TWF1: variants seen among roughly 807,000 people sequenced by gnomAD.
TWF1 encodes the protein twinfilin-1.
A neutral mutation model predicts 47.9 loss-of-function variants in TWF1; 14 were observed. The observed-to-expected ratio is 0.29, with a 90% confidence interval of 0.19 to 0.46. The LOEUF (loss-of-function observed/expected upper bound fraction) is 0.46, where lower values mean the gene tolerates loss of function less well. Among genes scored for constraint, TWF1 ranks in the 20% least tolerant of loss-of-function variants. TWF1 has a pLI of 1.00. For missense variants in TWF1, 281 were observed against 409.3 expected (o/e 0.69, Z 2.70); for synonymous variants, 96 against 139.2 (o/e 0.69, Z 2.18).
At chr12:43,805,809 G>A (rs1592283364) in intron 1 of TWF1, 2 of 1,367,368 alleles carry the variant, frequency 1.5e-6, no homozygotes, top group South Asian at 2.3e-5. Context: ...TTCTCCTTTG[G>A]ACCATGAAAA....
At chr12:43,800,282 C>T (rs1440970695) in intron 4 of TWF1, among the ~76,000 whole-genome samples, 153 bp downstream of exon 4, 1 of 152,100 alleles carries the variant, frequency 6.6e-6, no homozygotes, top group Non-Finnish European at 1.5e-5. Context: ...ATATTCATTA[C>T]AGCTAACTTT....
chr12:43,798,447 C>T (rs997519409), intron 5 of TWF1: 62 of 925,886 alleles, frequency 6.7e-5, no homozygotes, highest in Non-Finnish European at 8.7e-5. Context: ...GAGTCTCATT[C>T]GCAGTGTTGC....
chr12:43,805,534 C>A (rs905114138), intron 1 of TWF1: 2 of 457,266 alleles, frequency 4.4e-6, no homozygotes, highest in Non-Finnish European at 8.8e-6. Flanking sequence ...CTGCAGGCTG[C>A]CCAATTTCAA....
At position 43,795,310 on chromosome 12, in the gene TWF1, A is replaced by G; in HGVS notation, c.*275T>C. On this transcript the variant is annotated 3_prime_UTR_variant, in exon 9 of 9. Transcript: ENST00000395510. ...TCTAGAACTGGCCCAACTGTATAAA[A>G]TTTTAAGAAGTATTTGAAGTGTGGA... is the stretch of plus-strand genomic sequence containing the variant. The G allele has an allele frequency of 6.5e-6, 2 of 307,340 alleles. No individual in the cohort carries two copies. The highest frequency in any genetic ancestry group is 1.2e-5 in the Non-Finnish European group (2 of 164,590). The allele number at this position is 307,340 out of a possible 1,614,324, so 19.0% of individuals were successfully genotyped here.
rs759955610 is a variant in TWF1 at position 43,796,959 on chromosome 12, T to A, written c.882+17A>T. On this transcript the variant is annotated intron_variant, in intron 8 of 8. Coordinates refer to ENST00000395510, the MANE Select transcript of TWF1 (RefSeq NM_002822.5). The stretch of plus-strand genomic sequence containing the variant: ...AAAATTTAGCAAAAACTGAAGATTT[T>A]AAAATAGGTGGGCTACCTTTCTAAT... 6.2e-7 allele frequency: 1 copy of A among 1,605,562 alleles called. No homozygotes were observed. The highest frequency in any genetic ancestry group is 1.1e-5 in the South Asian group (1 of 89,454).
At chr12:43,797,123 T>C (rs1348060695) in intron 7 of TWF1, 26 bp from the exon 8 acceptor site, 3 of 1,560,524 alleles carry the variant, frequency 1.9e-6, no homozygotes, top group South Asian at 2.4e-5. Flanking sequence ...ATAACAAATA[T>C]AATTAGCATA....
At position 43,797,407 on chromosome 12, in the gene TWF1, T is replaced by C. The variant is rs147325501; in HGVS notation, c.655A>G (p.Asn219Asp). The change falls in exon 7 of 9, where the codon AAT (asparagine) becomes GAT (aspartate). Residue 219 changes from asparagine to aspartate, a missense_variant. By Grantham distance (23) the Asn-to-Asp change is conservative. Coordinates refer to ENST00000395510, the MANE Select transcript of TWF1 (RefSeq NM_002822.5). Reference protein sequence around the residue: ...NEIIILANTTNTELKDLPKRI... With the variant: ...NEIIILANTTDTELKDLPKRI... ...TTTGGCAAATCTTTCAGTTCTGTAT[T>C]TGTTGTGTTGGCCAAAATTATAATT... 84 of 1,600,936 alleles carry C rather than the reference T, an allele frequency of 5.2e-5. 1 individual carries two copies. The African/African-American group carries it at 1.1e-3, about 20-fold the overall frequency.
chr12:43,793,801 T>C lies in TWF1; in HGVS notation c.*1784A>G, dbSNP rs911837637. The C allele has an allele frequency of 3.9e-5, 6 of 152,660 alleles. No individual in the cohort carries two copies. Among genetic ancestry groups the C allele is most frequent in the African/African-American group, 1.4e-4 (6 of 41,458 alleles). 9.5% of individuals were successfully genotyped at this position (152,660 alleles called of 1,614,324 possible). ...CAGAAGGCATGTAATTCTTCACTGC[T>C]ATATAAATTTACTGGGAATATGTTA... On this transcript the variant is annotated 3_prime_UTR_variant, in exon 9 of 9. Coordinates refer to ENST00000395510, the MANE Select transcript of TWF1 (RefSeq NM_002822.5).
intron 4 of TWF1, 152 bp from the exon 5 acceptor site, chr12:43,799,654 C>A (rs1009943403): frequency 1.9e-6 from 1 of 513,652 alleles, no homozygotes; most frequent in Non-Finnish European, 3.3e-6. Flanking sequence ...TTTCTTTAAT[C>A]CTCAATTTTA....
chr12:43,802,986 C>A (rs1314042082), intron 2 of TWF1, among the ~76,000 whole-genome samples: 1 of 152,142 alleles, frequency 6.6e-6, no homozygotes, highest in African/African-American at 2.4e-5. Context: ...TGGTATTCAG[C>A]AGAATCAAGT....
chr12:43,797,559 G>A (rs1942577034), intron 6 of TWF1, 107 bp from the exon 7 acceptor site: 1 of 1,368,536 alleles, frequency 7.3e-7, no homozygotes, highest in African/African-American at 1.5e-5. Flanking sequence ...AGTTCTGGAT[G>A]GTTTGACTTT....
intron 3 of TWF1, among the ~76,000 whole-genome samples, chr12:43,801,601 C>T (rs548959984): frequency 5.3e-5 from 8 of 152,102 alleles, no homozygotes; most frequent in African/African-American, 1.7e-4. Context: ...TGAATGGTAG[C>T]GATTAATAAA....
chr12:43,797,731 T>C lies in TWF1; in HGVS notation c.586A>G (p.Arg196Gly). The C allele has an allele frequency of 6.2e-7, 1 of 1,612,658 alleles. No homozygotes were observed. The highest frequency in any genetic ancestry group is 1.1e-5 in the South Asian group (1 of 91,024). The change falls in exon 6 of 9, where the codon AGA becomes GGA. Residue 196 changes from arginine to glycine, a missense_variant. By Grantham distance (125) the Arg-to-Gly change is moderately radical. Transcript: ENST00000395510. ...ACCAACTGCACATAGTTGAGCTGTC[T>C]ATTATTCAATTTTTCCAAAGCCTGA... ...AFQALEKLNN[R>G]QLNYVQLEID...
chr12:43,797,841 T>C lies in TWF1; in HGVS notation c.484-8A>G, dbSNP rs1355591963. ...ACCCACGTCAGTCTGTACCTAAGTA[T>C]GACAGATTTAATTTACAAGTTTAGC... On this transcript the variant is annotated splice_region_variant and splice_polypyrimidine_tract_variant and intron_variant, in intron 5 of 8. Coordinates refer to ENST00000395510, the MANE Select transcript of TWF1 (RefSeq NM_002822.5). The C allele has an allele frequency of 3.1e-6, 5 of 1,608,606 alleles. No homozygotes were observed. The highest frequency in any genetic ancestry group is 1.3e-5 in the African/African-American group (1 of 74,606).
Position 43,799,522 on chromosome 12 carries a change from T to A in TWF1, c.379-20A>T, listed in dbSNP as rs780227370. 14 of 1,386,854 alleles carry A rather than the reference T, an allele frequency of 1.0e-5. No individual in the cohort carries two copies. In the African/African-American group the frequency reaches 1.9e-4, roughly 18 times the overall value. The allele number at this position is 1,386,854 out of a possible 1,614,324, so 85.9% of individuals were successfully genotyped here. A position where few individuals can be genotyped will look rare whatever the true frequency, so the allele number is the denominator to read the frequency against. On this transcript the variant is annotated intron_variant, in intron 4 of 8. Coordinates refer to ENST00000395510, the MANE Select transcript of TWF1 (RefSeq NM_002822.5). The stretch of plus-strand genomic sequence containing the variant: ...ATCTTCCTGTAAGTACAGAATAGAC[T>A]ATAATCAGTAATTCTCTAGAAGTAA...
chr12:43,798,520 G>T, intron 5 of TWF1: 5 of 1,477,806 alleles, frequency 3.4e-6, no homozygotes, highest in African/African-American at 1.4e-5. Context: ...CAGCATAAAT[G>T]ATATTGGTTA....
At chr12:43,803,760 T>A (rs1020328087) in intron 2 of TWF1, among the ~76,000 whole-genome samples, 4 of 152,148 alleles carry the variant, frequency 2.6e-5, no homozygotes, top group African/African-American at 9.6e-5. Context: ...TGGTATTTTT[T>A]ATATAAGCAG....
Position 43,797,404 on chromosome 12 carries a change from T to A in TWF1, c.658A>T (p.Thr220Ser), listed in dbSNP as rs996297504. The change falls in exon 7 of 9, where the codon ACA becomes TCA. Residue 220 changes from threonine (T) to serine (S), a missense_variant. Thr to Ser is a moderately conservative substitution (Grantham distance 58). Coordinates refer to ENST00000395510, the MANE Select transcript of TWF1 (RefSeq NM_002822.5). Reference sequence around the variant, plus strand: ...CTCTTTGGCAAATCTTTCAGTTCTGTATTTGTTGTGTTGGCCAAAATTATA... The same window carrying A: ...CTCTTTGGCAAATCTTTCAGTTCTGAATTTGTTGTGTTGGCCAAAATTATA... ...EIIILANTTNTELKDLPKRIP... is the reference protein window; with the variant it reads ...EIIILANTTNSELKDLPKRIP... 2 of 1,602,474 alleles carry A rather than the reference T, an allele frequency of 1.2e-6. No individual in the cohort carries two copies. The highest frequency in any genetic ancestry group is 1.7e-6 in the Non-Finnish European group (2 of 1,175,098).
intron 1 of TWF1, 178 bp downstream of exon 1, chr12:43,806,043 G>C: frequency 1.3e-6 from 2 of 1,518,244 alleles, no homozygotes; most frequent in African/African-American, 1.4e-5. Context: ...GGAGGAGGAC[G>C]CAGGCCGGCA....
Sources: gnomAD v4.1 joint callset for allele counts (sites outside exome capture counted in the v4.1 genomes callset) on GRCh38, gnomAD v4.1.1 for gene constraint, MANE v1.5 for transcripts, NCBI Gene and HGNC (gene_info 2026-07-23, HGNC 2026-07-21) for gene names.